Variants in TSPAN4 observed in about 807,000 individuals in gnomAD.
TSPAN4 encodes the protein tetraspanin-4.
In TSPAN4, 38 loss-of-function variants were observed where a neutral mutation model predicts 31.5. The ratio of observed to expected loss-of-function variants is 1.21; its 90% CI spans 0.93 to 1.58. The LOEUF (loss-of-function observed/expected upper bound fraction) is 1.58. Among genes scored for constraint, TSPAN4 ranks in the 40% most tolerant of loss-of-function variants. TSPAN4 has a pLI of 0.00. For synonymous variants in TSPAN4, 186 were observed against 144.6 expected (o/e 1.29, Z -2.06); for missense variants, 330 against 317.3 (o/e 1.04, Z -0.30).
intron 1 of TSPAN4, among the ~76,000 whole-genome samples, chr11:846,170 C>G (rs756277181): frequency 6.6e-6 from 1 of 152,172 alleles, no homozygotes; most frequent in Non-Finnish European, 1.5e-5. Flanking sequence ...GTGTGGAGAC[C>G]CCGAGGTCTG....
intron 1 of TSPAN4, among the ~76,000 whole-genome samples, chr11:845,270 C>T (rs894082941): frequency 2.6e-5 from 4 of 152,154 alleles, no homozygotes; most frequent in Non-Finnish European, 4.4e-5. Context: ...GCACACGTGC[C>T]CGACACCTCA....
chr11:858,357 A>G lies in TSPAN4; in HGVS notation c.64-4193A>G, dbSNP rs1368773880. The stretch of plus-strand genomic sequence containing the variant: ...TTGTAGAGCTGGCAGACCCCTGCCC[A>G]CCCTGGGGCTGTGCCCCAAGCCCAG... On this transcript the variant is annotated intron_variant, in intron 3 of 8. Coordinates refer to ENST00000397397, the MANE Select transcript of TSPAN4 (RefSeq NM_003271.5). 2.0e-5 allele frequency: 3 copies of G among 152,524 alleles called. No homozygotes were observed. The East Asian group carries it at 5.8e-4, about 29-fold the overall frequency. 9.4% of individuals were successfully genotyped at this position (152,524 alleles called of 1,614,324 possible). A position where few individuals can be genotyped will look rare whatever the true frequency, so the allele number is the denominator to read the frequency against.
intron 3 of TSPAN4, among the ~76,000 whole-genome samples, chr11:861,525 A>G (rs1848455421): frequency 1.3e-5 from 2 of 152,136 alleles, no homozygotes; most frequent in Non-Finnish European, 2.9e-5. Flanking sequence ...ATCCTGGCTA[A>G]CACGGTGAAA....
intron 3 of TSPAN4, among the ~76,000 whole-genome samples, chr11:850,977 C>T (rs1355785259): frequency 1.3e-5 from 2 of 152,260 alleles, no homozygotes; most frequent in Non-Finnish European, 2.9e-5. Flanking sequence ...CTTTCCCGCG[C>T]CTCCGGCAGC....
At chr11:851,018 G>A (rs556531286) in intron 3 of TSPAN4, among the ~76,000 whole-genome samples, 19 of 152,254 alleles carry the variant, frequency 1.2e-4, no homozygotes, top group Non-Finnish European at 2.2e-4. Context: ...CGGAGGTGGG[G>A]TCAGGTGTGC....
rs201110521 is a variant in TSPAN4 at position 865,908 on chromosome 11, C to T, written c.565-10C>T. ...CCCTGCCGTGACACGCATGACATCC[C>T]TCCCTGCAGCCGTGCTACGAGACGG... is the stretch of plus-strand genomic sequence containing the variant. On this transcript the variant is annotated splice_polypyrimidine_tract_variant and intron_variant, in intron 7 of 8. Transcript: ENST00000397397. The T allele has an allele frequency of 9.3e-6, 15 of 1,613,022 alleles. No homozygotes were observed. The highest frequency in any genetic ancestry group is 2.7e-5 in the African/African-American group (2 of 74,910).
chr11:850,922 C>T (rs939829512), intron 3 of TSPAN4, among the ~76,000 whole-genome samples: 1 of 152,264 alleles, frequency 6.6e-6, no homozygotes, highest in Non-Finnish European at 1.5e-5. Flanking sequence ...GAATCCTGGA[C>T]ACTGAGCAGG....
At position 865,987 on chromosome 11, in the gene TSPAN4, A is replaced by T. The variant is rs1463288409; in HGVS notation, c.634A>T (p.Thr212Ser). Residue 212 changes from threonine to serine, a missense_variant, in exon 8 of 9, where the codon ACG becomes TCG. Thr to Ser is a moderately conservative substitution (Grantham distance 58). Transcript: ENST00000397397. ...LLAVGIFGLC[T>S]ALVQILGLTF... ...GGCTGTGGGCATCTTTGGGCTGTGC[A>T]CGGCGCTGGTGCAGGTATGGCCTGG... 1 of 1,612,062 alleles carries T rather than the reference A, an allele frequency of 6.2e-7. No individual in the cohort carries two copies. The highest frequency in any genetic ancestry group is 8.5e-7 in the Non-Finnish European group (1 of 1,179,982).
chr11:863,070 C>T (rs1324136159), intron 4 of TSPAN4: 6 of 211,162 alleles, frequency 2.8e-5, no homozygotes, highest in East Asian at 2.1e-4. Flanking sequence ...CAGCCTTTCA[C>T]GGGCTTGCGG....
At position 848,553 on chromosome 11, in the gene TSPAN4, G is replaced by T. The variant is rs1017815004; in HGVS notation, c.-18+1253G>T. On this transcript the variant is annotated intron_variant, in intron 2 of 8. Coordinates refer to ENST00000397397, the MANE Select transcript of TSPAN4 (RefSeq NM_003271.5). This position sits in a 1 kb window ranked among gnomAD's most constrained non-coding sequence, Gnocchi z 5.7. ...GCTGCGGGACCTCCCTGGGCACCCG[G>T]GGCTTCCACGGCAGCCCTCCCCAGA... 9.2e-5 allele frequency among the ~76,000 whole-genome samples: 14 copies of T among 152,126 alleles called. No homozygotes were observed. Among genetic ancestry groups the T allele is most frequent in the Non-Finnish European group, 1.8e-4 (12 of 67,990 alleles).
intron 4 of TSPAN4, 196 bp downstream of exon 4, chr11:862,937 T>G (rs1848548287): frequency 1.6e-6 from 1 of 607,592 alleles, no homozygotes; most frequent in Non-Finnish European, 2.8e-6. Context: ...TGGGGGGTGA[T>G]TTGCAGAGCG....
chr11:849,902 C>T (rs1403925787), intron 2 of TSPAN4: 1 of 148,126 alleles, frequency 6.8e-6, no homozygotes. Context: ...CCGCGCGACC[C>T]GCTGCCACCG....
In TSPAN4 at chr11:848,926, C is replaced by T. The variant is rs563504213; in HGVS notation, c.-17-1362C>T. The T allele has an allele frequency of 1.7e-5, 12 of 713,662 alleles. No homozygotes were observed. Among genetic ancestry groups the T allele is most frequent in the South Asian group, 1.6e-4 (11 of 67,222 alleles). 44.2% of individuals were successfully genotyped at this position (713,662 alleles called of 1,614,324 possible). On this transcript the variant is annotated intron_variant, in intron 2 of 8. Coordinates refer to ENST00000397397, the MANE Select transcript of TSPAN4 (RefSeq NM_003271.5). The surrounding 1 kb of genome is among the most constrained non-coding windows in gnomAD (Gnocchi z 5.7). ...CCAGGAGTGCAGGCACATCTGCGCA[C>T]GGGGCCGGTATGTCTGTACCTGTCA... is the stretch of plus-strand genomic sequence containing the variant.
In TSPAN4 at chr11:848,813, G is replaced by A. The variant is rs1590224883; in HGVS notation, c.-17-1475G>A. ...CCTGTGGTGGGGCTGGGGCTTCAGA[G>A]GCGTGGGGTAGGCTGCAGGGCACAG... On this transcript the variant is annotated intron_variant, in intron 2 of 8. Transcript: ENST00000397397. This position sits in a 1 kb window ranked among gnomAD's most constrained non-coding sequence, Gnocchi z 5.7. 4.8e-6 allele frequency: 3 copies of A among 625,398 alleles called. No individual in the cohort carries two copies. Among genetic ancestry groups the A allele is most frequent in the East Asian group, 2.8e-5 (1 of 35,280 alleles). The allele number at this position is 625,398 out of a possible 1,614,324, so 38.7% of individuals were successfully genotyped here. A position where few individuals can be genotyped will look rare whatever the true frequency, so the allele number is the denominator to read the frequency against.
chr11:865,973 T>C lies in TSPAN4; in HGVS notation c.620T>C (p.Ile207Thr). ...WLQENLLAVGIFGLCTALVQI... is the reference protein window; with the variant it reads ...WLQENLLAVGTFGLCTALVQI... ...CAGGAGAACCTGCTGGCTGTGGGCA[T>C]CTTTGGGCTGTGCACGGCGCTGGTG... Residue 207 changes from isoleucine to threonine, a missense_variant, in exon 8 of 9, where the codon ATC (isoleucine) becomes ACC (threonine). Ile to Thr is a moderately conservative substitution (Grantham distance 89). Coordinates refer to ENST00000397397, the MANE Select transcript of TSPAN4 (RefSeq NM_003271.5). The C allele has an allele frequency of 6.2e-7, 1 of 1,612,434 alleles. No homozygotes were observed. Among genetic ancestry groups the C allele is most frequent in the Non-Finnish European group, 8.5e-7 (1 of 1,179,984 alleles).
intron 3 of TSPAN4, among the ~76,000 whole-genome samples, chr11:861,380 C>T (rs1007049685): frequency 1.3e-4 from 20 of 152,090 alleles, no homozygotes; most frequent in African/African-American, 3.4e-4. Context: ...TTTGGGAGGC[C>T]GAGACGGGCT....
chr11:854,761 C>A (rs1847956054), intron 3 of TSPAN4, among the ~76,000 whole-genome samples: 1 of 152,206 alleles, frequency 6.6e-6, no homozygotes, highest in Non-Finnish European at 1.5e-5. Context: ...CCTTGGCTTC[C>A]CCTCCCCTGG....
intron 3 of TSPAN4, among the ~76,000 whole-genome samples, chr11:856,534 A>C (rs1306226981): frequency 5.3e-5 from 8 of 152,154 alleles, no homozygotes; most frequent in Non-Finnish European, 1.2e-4. Flanking sequence ...TCAACCTCCC[A>C]CCTGAGCTTG....
intron 3 of TSPAN4, among the ~76,000 whole-genome samples, chr11:860,401 G>T (rs1036483846): frequency 6.6e-6 from 1 of 152,234 alleles, no homozygotes; most frequent in Non-Finnish European, 1.5e-5. Flanking sequence ...GCCAGTAAAA[G>T]GGTGGCGGCC....
Sources: gnomAD v4.1 joint callset for allele counts (sites outside exome capture counted in the v4.1 genomes callset) on GRCh38, gnomAD v4.1.1 for gene constraint, Gnocchi (gnomAD v3.1) non-coding constraint, MANE v1.5 for transcripts, NCBI Gene and HGNC (gene_info 2026-07-23, HGNC 2026-07-21) for gene names.